Variants in PPP1R9A observed in about 807,000 individuals in gnomAD.
PPP1R9A encodes the protein protein phosphatase 1 regulatory subunit 9A.
A neutral mutation model predicts 141.9 loss-of-function variants in PPP1R9A; 59 were observed. The observed-to-expected ratio is 0.42, with a 90% CI of 0.34 to 0.52. The LOEUF is 0.52. Ranked by LOEUF, PPP1R9A falls within the 20% of genes least tolerant of loss-of-function variation. PPP1R9A has a pLI of 0.10. For synonymous variants in PPP1R9A, 500 were observed against 569.7 expected (o/e 0.88, Z 1.74); for missense variants, 1,444 against 1,611.9 (o/e 0.90, Z 1.78).
intron 4 of PPP1R9A, among the ~76,000 whole-genome samples, chr7:95,129,162 G>A (rs1824113533): frequency 6.6e-6 from 1 of 152,120 alleles, no homozygotes; most frequent in Non-Finnish European, 1.5e-5. Flanking sequence ...ATGTCTGTAG[G>A]TGATAGAGTT....
chr7:95,016,519 G>T (rs529291566), intron 2 of PPP1R9A, among the ~76,000 whole-genome samples: 37 of 152,134 alleles, frequency 2.4e-4, no homozygotes, highest in African/African-American at 8.7e-4. Context: ...ACATGCCTAA[G>T]TAGAAGGTAT....
chr7:95,068,678 C>T (rs186964142), intron 2 of PPP1R9A, among the ~76,000 whole-genome samples: 58 of 152,076 alleles, frequency 3.8e-4, no homozygotes, highest in African/African-American at 5.8e-4. Context: ...GTCATGTCTA[C>T]CACCCTTCAA....
intron 2 of PPP1R9A, among the ~76,000 whole-genome samples, chr7:94,996,014 C>T (rs934064685): frequency 1.3e-5 from 2 of 152,096 alleles, no homozygotes; most frequent in Non-Finnish European, 2.9e-5. Context: ...GCATCTGGTC[C>T]ATGGCTCATA....
intron 7 of PPP1R9A, among the ~76,000 whole-genome samples, chr7:95,215,066 C>T (rs1248995260): frequency 1.3e-5 from 2 of 151,898 alleles, no homozygotes; most frequent in Non-Finnish European, 2.9e-5. Flanking sequence ...TGGTATGCTG[C>T]ACCCATTAAC....
chr7:95,174,284 TG>T (rs1832583416), intron 5 of PPP1R9A, among the ~76,000 whole-genome samples: 1 of 152,128 alleles, frequency 6.6e-6, no homozygotes, highest in Non-Finnish European at 1.5e-5. Context: ...GTGTACTGTT[TG>T]AATACATTTG....
At chr7:95,090,350 T>G (rs910021128) in intron 2 of PPP1R9A, among the ~76,000 whole-genome samples, 1 of 152,016 alleles carries the variant, frequency 6.6e-6, no homozygotes, top group Non-Finnish European at 1.5e-5. Context: ...AAATGAACAC[T>G]GGAAGTGCTA....
chr7:95,274,252 T>A, intron 16 of PPP1R9A, 84 bp downstream of exon 16: 4 of 1,253,996 alleles, frequency 3.2e-6, no homozygotes, highest in Non-Finnish European at 4.4e-6. Flanking sequence ...AAATCAGTGG[T>A]CAGTATCTTT....
intron 2 of PPP1R9A, among the ~76,000 whole-genome samples, chr7:94,929,947 T>C (rs1308850870): frequency 1.3e-5 from 2 of 152,242 alleles, no homozygotes; most frequent in Admixed American, 6.5e-5. Flanking sequence ...TATTTATCCA[T>C]GTATTTTTCC....
In PPP1R9A at chr7:95,097,848, G is replaced by A. The variant is rs180977849; in HGVS notation, c.1396-13411G>A. ...AGTCAGGGTCAACCAAAGAAGCACCGCCAGTAGAAGATAACATTTTAAGAG... is the reference window on the plus strand; with the variant it reads ...AGTCAGGGTCAACCAAAGAAGCACCACCAGTAGAAGATAACATTTTAAGAG... On this transcript the variant is annotated intron_variant, in intron 2 of 19. Coordinates refer to ENST00000433360, the MANE Select transcript of PPP1R9A (RefSeq NM_001166160.2). Among the ~76,000 whole-genome samples, 983 of 152,254 alleles carry A rather than the reference G, an allele frequency of 6.5e-3. 10 individuals carry two copies. Among genetic ancestry groups the A allele is most frequent in the African/African-American group, 0.023 (935 of 41,552 alleles).
intron 2 of PPP1R9A, among the ~76,000 whole-genome samples, chr7:94,917,100 A>G (rs1333833758): frequency 1.3e-5 from 2 of 152,110 alleles, no homozygotes; most frequent in Admixed American, 1.3e-4. Context: ...ATAGGCGTGA[A>G]CCACTGTGCC....
intron 5 of PPP1R9A, among the ~76,000 whole-genome samples, chr7:95,190,756 T>C (rs1000684289): frequency 6.6e-6 from 1 of 152,166 alleles, no homozygotes. Context: ...GTGAATTCTT[T>C]TAGTTTTCCT....
chr7:95,194,611 G>C (rs1001207993), intron 5 of PPP1R9A, among the ~76,000 whole-genome samples: 1 of 151,374 alleles, frequency 6.6e-6, no homozygotes, highest in South Asian at 2.1e-4. Flanking sequence ...AATGACTTTA[G>C]CAAGGTCGCA....
intron 2 of PPP1R9A, among the ~76,000 whole-genome samples, chr7:95,099,497 A>T (rs546138702): frequency 6.6e-6 from 1 of 152,204 alleles, no homozygotes. Context: ...GAAAACATGA[A>T]CATCAGTGGA....
At chr7:95,182,961 C>T (rs1293980539) in intron 5 of PPP1R9A, among the ~76,000 whole-genome samples, 6 of 152,134 alleles carry the variant, frequency 3.9e-5, no homozygotes, top group African/African-American at 1.2e-4. Flanking sequence ...CCTAAGACAT[C>T]AAGGCTAACT....
intron 17 of PPP1R9A, among the ~76,000 whole-genome samples, chr7:95,285,714 C>T (rs1220984573): frequency 6.6e-6 from 1 of 152,192 alleles, no homozygotes; most frequent in Non-Finnish European, 1.5e-5. Flanking sequence ...TTGAAGGGTA[C>T]ATCCAGGAGA....
chr7:95,196,385 T>TG (rs1211766499), intron 5 of PPP1R9A, among the ~76,000 whole-genome samples: 1 of 152,158 alleles, frequency 6.6e-6, no homozygotes, highest in Non-Finnish European at 1.5e-5. Context: ...GAATATGAAA[T>TG]GATACTATTA....
chr7:95,080,672 C>T (rs935772960), intron 2 of PPP1R9A, among the ~76,000 whole-genome samples: 6 of 152,198 alleles, frequency 3.9e-5, no homozygotes, highest in African/African-American at 1.4e-4. Context: ...AGGCATCACG[C>T]TACCTGACTT....
rs539806488 is a variant in PPP1R9A at position 94,952,962 on chromosome 7, C to T, written c.1395+41454C>T. On this transcript the variant is annotated intron_variant, in intron 2 of 19. Coordinates refer to ENST00000433360, the MANE Select transcript of PPP1R9A (RefSeq NM_001166160.2). ...GCTGTGCAGAAGCTCTTTAGTTTAA[C>T]TGGAGCCCATTTGTCAATTTTGGCT... Among the ~76,000 whole-genome samples the T allele has an allele frequency of 7.4e-3, 1,120 of 152,144 alleles. 17 individuals carry two copies. Among genetic ancestry groups the T allele is most frequent in the African/African-American group, 0.025 (1,044 of 41,530 alleles).
At chr7:94,982,052 T>C (rs2520450) in intron 2 of PPP1R9A, among the ~76,000 whole-genome samples, 83,954 of 147,922 alleles carry the variant, frequency 0.57, 23,896 homozygotes, top group Middle Eastern at 0.64. Flanking sequence ...TCAATTCCCA[T>C]CTATGAGCAA....
Sources: allele counts gnomAD v4.1 joint callset (sites outside exome capture counted in the v4.1 genomes callset), GRCh38; gene constraint gnomAD v4.1.1; transcripts MANE v1.5; gene names NCBI Gene and HGNC (gene_info 2026-07-23, HGNC 2026-07-21).